The following CHDH variants were observed in gnomAD, a reference collection of about 807,000 sequenced individuals.
CHDH encodes the protein choline dehydrogenase, also known as choline dehydrogenase, mitochondrial.
In CHDH, 43 loss-of-function variants were observed where a neutral mutation model predicts 56.9. The ratio of observed to expected loss-of-function variants is 0.76; its 90% CI spans 0.59 to 0.97. The LOEUF (loss-of-function observed/expected upper bound fraction) is 0.97. CHDH is among the 50% of genes least tolerant of loss of function. The pLI, the probability that CHDH is intolerant of heterozygous loss-of-function variation, is 0.00. For missense variants in CHDH, 816 were observed against 821.1 expected (o/e 0.99, Z 0.08); for synonymous variants, 364 against 348.5 (o/e 1.04, Z -0.50).
Position 53,821,715 on chromosome 3 carries a change from A to C in CHDH, c.917T>G (p.Met306Arg), listed in dbSNP as rs747439665. ...GGAINSPQLLMLSGIGNADDL... is the reference protein window; with the variant it reads ...GGAINSPQLLRLSGIGNADDL... Reference sequence around the variant, plus strand: ...ATCAGCATTCCCGATGCCAGAGAGCATGAGCAGCTGTGGAGAGTTGATGGC... The same window carrying C: ...ATCAGCATTCCCGATGCCAGAGAGCCTGAGCAGCTGTGGAGAGTTGATGGC... Residue 306 changes from methionine (M) to arginine (R), a missense_variant, in exon 5 of 9, where the codon ATG becomes AGG. By Grantham distance (91) the Met-to-Arg change is moderately conservative. Transcript: ENST00000315251. 6.2e-7 allele frequency: 1 copy of C among 1,614,098 alleles called. No homozygotes were observed. Among genetic ancestry groups the C allele is most frequent in the East Asian group, 2.2e-5 (1 of 44,884 alleles).
rs764679596 is a variant in CHDH, at chr3:53,822,518, C to A, written c.828G>T (p.Glu276Asp). ...TGTGGCTCTGGCCATTCTTGACATA[C>A]TCCACGCCCACTGCACGGGTGCCCT... ...LFEGTRAVGV[E>D]YVKNGQSHRA... Residue 276 changes from glutamate (E) to aspartate (D), a missense_variant, in exon 4 of 9, where the codon GAG becomes GAT. By Grantham distance (45) the Glu-to-Asp change is conservative. Coordinates refer to ENST00000315251, the MANE Select transcript of CHDH (RefSeq NM_018397.5). The A allele has an allele frequency of 1.9e-6, 3 of 1,613,576 alleles. No homozygotes were observed. The highest frequency in any genetic ancestry group is 2.2e-5 in the South Asian group (2 of 91,062).
intron 2 of CHDH, among the ~76,000 whole-genome samples, chr3:53,831,094 C>G (rs913190979): frequency 6.6e-6 from 1 of 152,216 alleles, no homozygotes; most frequent in South Asian, 2.1e-4. Context: ...GACTGAAGAG[C>G]CCTTGGGCCT....
At chr3:53,836,405 C>A (rs1698497268) in intron 2 of CHDH, among the ~76,000 whole-genome samples, 1 of 152,224 alleles carries the variant, frequency 6.6e-6, no homozygotes. Context: ...GCATGGTCCA[C>A]CTTCCCTTCC....
chr3:53,836,227 T>C (rs1270324334), intron 2 of CHDH, among the ~76,000 whole-genome samples: 1 of 152,064 alleles, frequency 6.6e-6, no homozygotes, highest in Admixed American at 6.5e-5. Flanking sequence ...CTGCTCCTCC[T>C]CTCTCAGGAA....
intron 2 of CHDH, among the ~76,000 whole-genome samples, chr3:53,835,814 G>A (rs576222600): frequency 3.3e-5 from 5 of 152,254 alleles, no homozygotes; most frequent in African/African-American, 1.2e-4. Context: ...GGGTGGGGTG[G>A]AGGGTCTTCA....
intron 2 of CHDH, among the ~76,000 whole-genome samples, chr3:53,831,832 T>C (rs1236535470): frequency 1.3e-5 from 2 of 151,950 alleles, no homozygotes; most frequent in Non-Finnish European, 2.9e-5. Context: ...TCACAGTGAA[T>C]TGCCACTTCA....
chr3:53,824,031 C>G lies in CHDH; in HGVS notation c.-23G>C. The G allele has an allele frequency of 7.0e-7, 1 of 1,430,270 alleles. No individual in the cohort carries two copies. The highest frequency in any genetic ancestry group is 2.7e-5 in the East Asian group (1 of 37,530). The allele number at this position is 1,430,270 out of a possible 1,614,324, so 88.6% of individuals were successfully genotyped here. ...CATGCTTCTATCTAGTCCAAGTCCT[C>G]TGATCCACGGAGGGGAATGAGATGA... On this transcript the variant is annotated 5_prime_UTR_variant, in exon 3 of 9. Transcript: ENST00000315251.
Position 53,812,466 on chromosome 3 carries a change from T to C in CHDH, c.*5311A>G, listed in dbSNP as rs4364157. On this transcript the variant is annotated 3_prime_UTR_variant, in exon 9 of 9. Coordinates refer to ENST00000315251, the MANE Select transcript of CHDH (RefSeq NM_018397.5). ...AAACCTATCATCTTTCCACAAGATA[T>C]ACCAGATGACTATTTGCAGTCTTTT... 1 of 152,258 alleles carries C rather than the reference T, an allele frequency of 6.6e-6. No homozygotes were observed. Among genetic ancestry groups the C allele is most frequent in the East Asian group, 1.9e-4 (1 of 5,200 alleles). The allele number at this position is 152,258 out of a possible 1,614,324, so 9.4% of individuals were successfully genotyped here.
chr3:53,821,134 C>T (rs192363125), intron 5 of CHDH, among the ~76,000 whole-genome samples: 25 of 152,378 alleles, frequency 1.6e-4, no homozygotes, highest in Admixed American at 5.2e-4. Context: ...GCACAAAGGC[C>T]TAGCCCTCCC....
At chr3:53,835,393 T>C (rs1698464408) in intron 2 of CHDH, among the ~76,000 whole-genome samples, 1 of 152,194 alleles carries the variant, frequency 6.6e-6, no homozygotes, top group South Asian at 2.1e-4. Flanking sequence ...CACCCTGAAG[T>C]CAGCACTGCC....
chr3:53,824,201 G>A (rs2095634636), intron 2 of CHDH, 134 bp from the exon 3 acceptor site: 1 of 537,198 alleles, frequency 1.9e-6, no homozygotes, highest in African/African-American at 2.0e-5. Flanking sequence ...GAGGAAGTGA[G>A]GGACACACAG....
intron 2 of CHDH, among the ~76,000 whole-genome samples, chr3:53,828,853 A>T (rs1429181522): frequency 6.6e-6 from 1 of 152,178 alleles, no homozygotes; most frequent in Non-Finnish European, 1.5e-5. Context: ...TCTTGTAAAA[A>T]TCAACACACT....
intron 2 of CHDH, among the ~76,000 whole-genome samples, 175 bp from the exon 3 acceptor site, chr3:53,824,242 A>T (rs1377712198): frequency 6.6e-6 from 1 of 152,232 alleles, no homozygotes; most frequent in Admixed American, 6.5e-5. Context: ...ATGTGCCAGG[A>T]TGGACAGGCA....
chr3:53,817,350 A>G lies in CHDH; in HGVS notation c.*427T>C, dbSNP rs927379984. 5.7e-6 allele frequency: 1 copy of G among 175,468 alleles called. No homozygotes were observed. Among genetic ancestry groups the G allele is most frequent in the Admixed American group, 5.5e-5 (1 of 18,294 alleles). The allele number at this position is 175,468 out of a possible 1,614,324, so 10.9% of individuals were successfully genotyped here. A position where few individuals can be genotyped will look rare whatever the true frequency, so the allele number is the denominator to read the frequency against. On this transcript the variant is annotated 3_prime_UTR_variant, in exon 9 of 9. Coordinates refer to ENST00000315251, the MANE Select transcript of CHDH (RefSeq NM_018397.5). ...TGCCTCAGCTAAAGCTTGCAGCTCA[A>G]GAAGGAGGATGCCCCTTCCTTCGCG...
At chr3:53,834,346 T>TGAGGCAGAAGAATCTCTTGAACCCAG (rs1333720577) in intron 2 of CHDH, among the ~76,000 whole-genome samples, 1 of 152,116 alleles carries the variant, frequency 6.6e-6, no homozygotes, top group Admixed American at 6.5e-5. Flanking sequence ...CTCTGGAGGC[T>TGAGGCAGAAGAATCTCTTGAACCCAG]GAGGCAGAAG....
chr3:53,837,049 C>T (rs1027429618), intron 2 of CHDH, among the ~76,000 whole-genome samples: 41 of 152,084 alleles, frequency 2.7e-4, no homozygotes, highest in Non-Finnish European at 1.5e-5. Context: ...TTTTAATTAG[C>T]CAGGCACGGT....
chr3:53,843,969 C>G (rs931802544), intron 1 of CHDH, among the ~76,000 whole-genome samples: 3 of 152,226 alleles, frequency 2.0e-5, no homozygotes, highest in Non-Finnish European at 4.4e-5. Flanking sequence ...ACCTCTCATG[C>G]AGGGCCACTT....
rs770705934 is a variant in CHDH at position 53,812,626 on chromosome 3, T to G, written c.*5151A>C. 3 of 152,244 alleles carry G rather than the reference T, an allele frequency of 2.0e-5. No homozygotes were observed. The highest frequency in any genetic ancestry group is 7.2e-5 in the African/African-American group (3 of 41,458). The allele number at this position is 152,244 out of a possible 1,614,324, so 9.4% of individuals were successfully genotyped here. On this transcript the variant is annotated 3_prime_UTR_variant, in exon 9 of 9. Transcript: ENST00000315251. ...AAGTGAATTACAGAGCAGGTCCAGC[T>G]GGCTGCTCTGCCCCTTGGGTATCCA...
chr3:53,842,497 C>T (rs1199160882), intron 1 of CHDH, among the ~76,000 whole-genome samples: 1 of 152,088 alleles, frequency 6.6e-6, no homozygotes, highest in Non-Finnish European at 1.5e-5. Context: ...CCTCTGCATC[C>T]GAGGCTTTCT....
Sources: gnomAD v4.1 joint callset for allele counts (sites outside exome capture counted in the v4.1 genomes callset) on GRCh38, gnomAD v4.1.1 for gene constraint, MANE v1.5 for transcripts, NCBI Gene and HGNC (gene_info 2026-07-23, HGNC 2026-07-21) for gene names.